The following DPP10 variants were observed in gnomAD, a reference collection of about 807,000 sequenced individuals.
DPP10 encodes the protein dipeptidyl peptidase like 10.
In DPP10, 33 loss-of-function variants were observed where a neutral mutation model predicts 120.9. The observed-to-expected ratio is 0.27, with a 90% CI of 0.21 to 0.37. The LOEUF is 0.37. Among genes scored for constraint, DPP10 ranks in the 10% least tolerant of loss-of-function variants. DPP10 has a pLI of 1.00. For synonymous variants in DPP10, 337 were observed against 326.1 expected (o/e 1.03, Z -0.36); for missense variants, 816 against 942.8 (o/e 0.87, Z 1.76).
intron 1 of DPP10, among the ~76,000 whole-genome samples, chr2:114,497,425 A>ATATATATGCATATATATAGATGCAGC (rs533618213): frequency 1.5e-5 from 1 of 66,350 alleles, no homozygotes; most frequent in African/African-American, 5.4e-5. Flanking sequence ...ATATGCATCT[A>ATATATATGCATATATATAGATGCAGC]TATATATATG....
At chr2:114,821,276 T>A (rs1328943565) in intron 1 of DPP10, among the ~76,000 whole-genome samples, 2 of 151,974 alleles carry the variant, frequency 1.3e-5, no homozygotes, top group Non-Finnish European at 2.9e-5. Context: ...TGGGGATATG[T>A]GGGGGTGGCT....
intron 7 of DPP10, among the ~76,000 whole-genome samples, chr2:115,716,137 ATTG>A (rs1559066994): frequency 6.6e-6 from 1 of 152,228 alleles, no homozygotes; most frequent in Non-Finnish European, 1.5e-5. Context: ...GTAACCCAGT[ATTG>A]TTGTTGTCAC....
At chr2:115,504,294 T>G (rs73946558) in intron 4 of DPP10, among the ~76,000 whole-genome samples, 2 of 150,460 alleles carry the variant, frequency 1.3e-5, no homozygotes, top group Admixed American at 6.6e-5. Flanking sequence ...TTTTTTTTTT[T>G]ACTAGGAAGC....
chr2:115,817,897 A>G (rs1054043154), intron 21 of DPP10, among the ~76,000 whole-genome samples: 2 of 152,294 alleles, frequency 1.3e-5, no homozygotes, highest in Middle Eastern at 3.4e-3. Context: ...TTCATGAAAA[A>G]AAAGAGTGAA....
At chr2:115,201,986 C>T (rs1428696002) in intron 1 of DPP10, among the ~76,000 whole-genome samples, 1 of 152,154 alleles carries the variant, frequency 6.6e-6, no homozygotes, top group Non-Finnish European at 1.5e-5. Context: ...GAGGGTACTG[C>T]ATGATTCAGG....
chr2:114,883,485 A>T (rs924009320), intron 1 of DPP10, among the ~76,000 whole-genome samples: 1 of 152,246 alleles, frequency 6.6e-6, no homozygotes, highest in East Asian at 1.9e-4. Context: ...CTAGGAATGC[A>T]TATGAATAAA....
chr2:115,331,574 C>G (rs1361331548), intron 2 of DPP10, among the ~76,000 whole-genome samples: 1 of 152,038 alleles, frequency 6.6e-6, no homozygotes, highest in Admixed American at 6.6e-5. Flanking sequence ...ATAGATAGCT[C>G]TTATTATTTT....
chr2:114,834,870 A>ACATGTCTACACAACTATGAATATATAAGC (rs1687555201), intron 1 of DPP10, among the ~76,000 whole-genome samples: 6 of 134,672 alleles, frequency 4.5e-5, no homozygotes, highest in South Asian at 2.3e-4. Flanking sequence ...TATATAAAAG[A>ACATGTCTACACAACTATGAATATATAAGC]CATATCTACA....
intron 1 of DPP10, among the ~76,000 whole-genome samples, chr2:114,454,190 C>T (rs776770397): frequency 2.0e-4 from 30 of 152,116 alleles, no homozygotes; most frequent in Non-Finnish European, 4.1e-4. Context: ...GAAAAGAATA[C>T]TCCAAATGGT....
At chr2:115,597,139 C>G (rs1024879908) in intron 5 of DPP10, among the ~76,000 whole-genome samples, 19 of 151,830 alleles carry the variant, frequency 1.3e-4, no homozygotes, top group African/African-American at 4.4e-4. Context: ...GAGACAAACA[C>G]AACAGGAGGA....
chr2:115,447,618 T>C (rs1188165425), intron 3 of DPP10, among the ~76,000 whole-genome samples: 2 of 152,154 alleles, frequency 1.3e-5, no homozygotes, highest in African/African-American at 2.4e-5. Flanking sequence ...AGAGTTCTCA[T>C]AGGATCTGAT....
chr2:114,768,127 C>CA (rs759782705), intron 1 of DPP10, among the ~76,000 whole-genome samples: 3,279 of 49,168 alleles, frequency 0.067, 93 homozygotes, highest in Non-Finnish European at 0.091. Flanking sequence ...GGCTCTGTCT[C>CA]AAAAAAAAAA....
At chr2:114,594,311 A>G (rs1691709711) in intron 1 of DPP10, among the ~76,000 whole-genome samples, 1 of 151,764 alleles carries the variant, frequency 6.6e-6, no homozygotes, top group South Asian at 2.1e-4. Flanking sequence ...AAGCTTGCAG[A>G]CAGCCTATTG....
intron 7 of DPP10, among the ~76,000 whole-genome samples, chr2:115,694,488 G>C (rs981044323): frequency 6.6e-6 from 1 of 152,110 alleles, no homozygotes. Context: ...GTGAGTAAAG[G>C]CAATTTAGAT....
intron 5 of DPP10, among the ~76,000 whole-genome samples, chr2:115,624,972 A>G (rs2085244818): frequency 6.6e-6 from 1 of 151,834 alleles, no homozygotes; most frequent in African/African-American, 2.4e-5. Flanking sequence ...TAACATTTAG[A>G]GTGGAGTTCC....
chr2:114,947,940 G>GTA (rs1697488968), intron 1 of DPP10, among the ~76,000 whole-genome samples: 1 of 151,688 alleles, frequency 6.6e-6, no homozygotes, highest in South Asian at 2.1e-4. Context: ...TTTTGTTTCT[G>GTA]TATACTCTGA....
chr2:114,525,677 C>G (rs942237996), intron 1 of DPP10, among the ~76,000 whole-genome samples: 1 of 152,156 alleles, frequency 6.6e-6, no homozygotes, highest in African/African-American at 2.4e-5. Flanking sequence ...TCGCACAAGT[C>G]ATGTTACTAT....
rs1379853856 is a variant in DPP10 at position 115,382,244 on chromosome 2, G to A, written c.271+38332G>A. Among the ~76,000 whole-genome samples, 10 of 152,092 alleles carry A rather than the reference G, an allele frequency of 6.6e-5. No homozygotes were observed. The South Asian group carries it at 1.2e-3, about 19-fold the overall frequency. On this transcript the variant is annotated intron_variant, in intron 3 of 25. Coordinates refer to ENST00000410059, the MANE Select transcript of DPP10 (RefSeq NM_020868.6). ...GCATAGGACCCTCTGAGCCATGTGC[G>A]GGATATAATCTCCTGGTGTGCTGTT...
At chr2:115,115,452 A>T (rs2049453265) in intron 1 of DPP10, among the ~76,000 whole-genome samples, 1 of 152,208 alleles carries the variant, frequency 6.6e-6, no homozygotes, top group Non-Finnish European at 1.5e-5. Context: ...CGTTTGAATC[A>T]TCAAAGCTTA....
Sources: gnomAD v4.1 joint callset for allele counts (sites outside exome capture counted in the v4.1 genomes callset) on GRCh38, gnomAD v4.1.1 for gene constraint, MANE v1.5 for transcripts, NCBI Gene and HGNC (gene_info 2026-07-23, HGNC 2026-07-21) for gene names.